ETAA1: variants seen among roughly 807,000 people sequenced by gnomAD.
The protein encoded by ETAA1 is ewing's tumor-associated antigen 1.
Under a neutral mutation model 76.8 loss-of-function variants are expected in ETAA1, and 49 were observed. The observed-to-expected ratio is 0.64, with a 90% confidence interval of 0.51 to 0.81. ETAA1 has a LOEUF of 0.81. ETAA1 is among the 30% of genes least tolerant of loss of function. ETAA1 has a pLI of 0.00. For missense variants in ETAA1, 1,099 were observed against 1,074.0 expected (o/e 1.02, Z -0.32); for synonymous variants, 373 against 372.2 (o/e 1.00, Z -0.03).
rs1675908839 is a variant in ETAA1, at chr2:67,397,556, G to T, written c.108G>T (p.Arg36=). Residue 36 remains arginine, a synonymous_variant, in exon 1 of 6, where the codon CGG becomes CGT. Coordinates refer to ENST00000272342, the MANE Select transcript of ETAA1 (RefSeq NM_019002.4). The stretch of plus-strand genomic sequence containing the variant: ...CGGTGGTCGAGCCAGGGAGGAGGCG[G>T]CTGAGATCGGCCCGCGGTTCGTGGC... The part of the protein sequence containing the change: ...CGSVVEPGRR[R]LRSARGSWPC... 3 of 1,572,434 alleles carry T rather than the reference G, an allele frequency of 1.9e-6. No individual in the cohort carries two copies. The highest frequency in any genetic ancestry group is 1.7e-6 in the Non-Finnish European group (2 of 1,159,168).
chr2:67,401,633 C>A (rs1676059409), intron 3 of ETAA1: 1 of 151,198 alleles, frequency 6.6e-6, no homozygotes, highest in Non-Finnish European at 1.5e-5. Flanking sequence ...TACATAGGAC[C>A]CATGTATATG....
chr2:67,404,969 G>A lies in ETAA1; in HGVS notation c.2287G>A (p.Val763Met), dbSNP rs1676169022. ...SYTNTDVPIQ[V>M]NSSKLVLPGS... ...TACTAACACTGATGTTCCAATACAA[G>A]TGAATAGTTCCAAATTGGTTCTTCC... Residue 763 changes from valine to methionine, a missense_variant, in exon 5 of 6, where the codon GTG becomes ATG. Val to Met is a conservative substitution (Grantham distance 21). Coordinates refer to ENST00000272342, the MANE Select transcript of ETAA1 (RefSeq NM_019002.4). 1 of 1,612,852 alleles carries A rather than the reference G, an allele frequency of 6.2e-7. No individual in the cohort carries two copies.
In ETAA1 at chr2:67,397,349, G is replaced by A. The variant is rs1039820051; in HGVS notation, c.-100G>A. On this transcript the variant is annotated 5_prime_UTR_variant, in exon 1 of 6. Coordinates refer to ENST00000272342, the MANE Select transcript of ETAA1 (RefSeq NM_019002.4). The stretch of plus-strand genomic sequence containing the variant: ...GCGCGCCCCACCGACCAAAATGGCG[G>A]CTGCCGTTGGTGCGGGGTGCGGTTT... 7.8e-6 allele frequency: 10 copies of A among 1,281,088 alleles called. No individual in the cohort carries two copies. The highest frequency in any genetic ancestry group is 2.1e-4 in the Middle Eastern group (1 of 4,652). The allele number at this position is 1,281,088 out of a possible 1,614,324, so 79.4% of individuals were successfully genotyped here.
At chr2:67,407,649 C>T (rs749434168) in intron 5 of ETAA1, among the ~76,000 whole-genome samples, 29 of 151,924 alleles carry the variant, frequency 1.9e-4, no homozygotes, top group African/African-American at 4.1e-4. Flanking sequence ...GAAACCTTTC[C>T]GATAACATAA....
rs750771945 is a variant in ETAA1, at chr2:67,410,033, CT to C, written c.2779del (p.Ter927AsnfsTer13). 1.2e-6 allele frequency: 2 copies of C among 1,600,646 alleles called. No homozygotes were observed. Among genetic ancestry groups the C allele is most frequent in the Non-Finnish European group, 1.7e-6 (2 of 1,175,884 alleles). ...SSVNAAPTSF[L>X] ...TGTAAATGCAGCTCCCACTTCATTT[CT>C]TTAATGAAATATTAGTTGGAAGACT... On this transcript the variant is annotated frameshift_variant, in exon 6 of 6. Coordinates refer to ENST00000272342, the MANE Select transcript of ETAA1 (RefSeq NM_019002.4). LOFTEE classifies it high-confidence loss of function.
rs1249658650 is a variant in ETAA1, at chr2:67,397,668, G to C, written c.220G>C (p.Glu74Gln). The C allele has an allele frequency of 1.3e-5, 20 of 1,545,620 alleles. No individual in the cohort carries two copies. The East Asian group carries it at 4.7e-4, about 36-fold the overall frequency. Residue 74 changes from glutamate to glutamine, a missense_variant, in exon 1 of 6, where the codon GAG becomes CAG. Transcript: ENST00000272342. ...CGCCCTGTGCAGTAAAAGTAACCCC[G>C]AGGGTGAGACGTCGGCAGCGCGGCC... ...TAALCSKSNPEERYETPKRAL... is the reference protein window; with the variant it reads ...TAALCSKSNPQERYETPKRAL...
intron 5 of ETAA1, among the ~76,000 whole-genome samples, chr2:67,409,405 C>T (rs1263796361): frequency 2.0e-5 from 3 of 151,886 alleles, no homozygotes; most frequent in Non-Finnish European, 4.4e-5. Flanking sequence ...TATATTTCCT[C>T]AGTGGATGAA....
intron 5 of ETAA1, among the ~76,000 whole-genome samples, chr2:67,406,712 G>A (rs1676229008): frequency 6.6e-6 from 1 of 151,924 alleles, no homozygotes. Context: ...AAAGATATGT[G>A]TGTGTGTATG....
chr2:67,399,107 C>A, intron 1 of ETAA1, 62 bp from the exon 2 acceptor site: 1 of 1,475,626 alleles, frequency 6.8e-7, no homozygotes, highest in South Asian at 1.3e-5. Context: ...ACCTTGGGGT[C>A]TTACGAAGTA....
Position 67,404,064 on chromosome 2 carries a change from A to G in ETAA1, c.1382A>G (p.Tyr461Cys). The G allele has an allele frequency of 1.2e-6, 2 of 1,601,406 alleles. No homozygotes were observed. Among genetic ancestry groups the G allele is most frequent in the Middle Eastern group, 1.7e-4 (1 of 5,964 alleles). ...GACAGAGAATTAATAGATGCAGAAT[A>G]TAGATTTTCACCAAATTCAAATAAA... Reference protein sequence around the residue: ...TYDRELIDAEYRFSPNSNKSN... With the variant: ...TYDRELIDAECRFSPNSNKSN... Residue 461 changes from tyrosine to cysteine, a missense_variant, in exon 5 of 6, where the codon TAT becomes TGT. Tyr to Cys is a radical substitution (Grantham distance 194). This residue lies in a region of ETAA1 where 761 missense variants were observed against 731.9 expected (regional missense o/e 1.04). Transcript: ENST00000272342.
rs1246583843 is a variant in ETAA1, at chr2:67,403,611, A to G, written c.929A>G (p.Asn310Ser). 3 of 1,613,360 alleles carry G rather than the reference A, an allele frequency of 1.9e-6. No homozygotes were observed. The highest frequency in any genetic ancestry group is 1.1e-5 in the South Asian group (1 of 91,056). Reference sequence around the variant, plus strand: ...CCAGAGGCTTTTTGGAGCACCAGTAATACTACCTTTGTAAAGACAAATGCT... The same window carrying G: ...CCAGAGGCTTTTTGGAGCACCAGTAGTACTACCTTTGTAAAGACAAATGCT... ...ELPEAFWSTSNTTFVKTNALK... is the reference protein window; with the variant it reads ...ELPEAFWSTSSTTFVKTNALK... Residue 310 changes from asparagine to serine, a missense_variant, in exon 5 of 6, where the codon AAT becomes AGT. Transcript: ENST00000272342.
chr2:67,410,543 A>T lies in ETAA1; in HGVS notation c.*505A>T, dbSNP rs1167834535. 2.0e-5 allele frequency: 3 copies of T among 152,084 alleles called. No homozygotes were observed. Among genetic ancestry groups the T allele is most frequent in the African/African-American group, 4.8e-5 (2 of 41,442 alleles). 9.4% of individuals were successfully genotyped at this position (152,084 alleles called of 1,614,324 possible). ...AATAAAGGACTTTTTATTTGTAAGGAAATTATGTTCAGTTCTTAGAAGTGG... is the reference window on the plus strand; with the variant it reads ...AATAAAGGACTTTTTATTTGTAAGGTAATTATGTTCAGTTCTTAGAAGTGG... On this transcript the variant is annotated 3_prime_UTR_variant, in exon 6 of 6. Coordinates refer to ENST00000272342, the MANE Select transcript of ETAA1 (RefSeq NM_019002.4).
chr2:67,411,183 G>T lies in ETAA1; in HGVS notation c.*1145G>T, dbSNP rs951475493. On this transcript the variant is annotated 3_prime_UTR_variant, in exon 6 of 6. Transcript: ENST00000272342. ...AGTAATAGAAGTCCAACTAGAGGGC[G>T]TAAGGCAGGGAGGATGCTTTATTCC... 1 of 151,912 alleles carries T rather than the reference G, an allele frequency of 6.6e-6. No individual in the cohort carries two copies. The allele number at this position is 151,912 out of a possible 1,614,324, so 9.4% of individuals were successfully genotyped here.
rs1175536620 is a variant in ETAA1, at chr2:67,411,696, C to T, written c.*1658C>T. ...CAACCATTTTAAGTTGGAGACTGTA[C>T]ATCAAAAATGGTATTTTCATATCTA... is the stretch of plus-strand genomic sequence containing the variant. On this transcript the variant is annotated 3_prime_UTR_variant, in exon 6 of 6. Coordinates refer to ENST00000272342, the MANE Select transcript of ETAA1 (RefSeq NM_019002.4). 1 of 152,068 alleles carries T rather than the reference C, an allele frequency of 6.6e-6. No homozygotes were observed. Among genetic ancestry groups the T allele is most frequent in the African/African-American group, 2.4e-5 (1 of 41,412 alleles). 9.4% of individuals were successfully genotyped at this position (152,068 alleles called of 1,614,324 possible). A position where few individuals can be genotyped will look rare whatever the true frequency, so the allele number is the denominator to read the frequency against.
Position 67,409,979 on chromosome 2 carries a change from C to T in ETAA1, c.2722C>T (p.Arg908Trp), listed in dbSNP as rs1676327423. ...IQRKRQEALV[R>W]RMAKARASSV... ...GAGAAAAAGACAAGAAGCACTGGTT[C>T]GGAGAATGGCTAAAGCACGAGCCTC... The change falls in exon 6 of 6, where the codon CGG (arginine) becomes TGG (tryptophan). Residue 908 changes from arginine to tryptophan, a missense_variant. By Grantham distance (101) the Arg-to-Trp change is moderately radical (BLOSUM62 -3). This residue lies in a region of ETAA1 where 302 missense variants were observed against 278.1 expected (regional missense o/e 1.09). Transcript: ENST00000272342. The T allele has an allele frequency of 3.1e-6, 5 of 1,609,348 alleles. No homozygotes were observed. Among genetic ancestry groups the T allele is most frequent in the African/African-American group, 1.3e-5 (1 of 74,738 alleles).
chr2:67,410,014 T>C lies in ETAA1; in HGVS notation c.2757T>C (p.Asn919=). 1 of 1,607,212 alleles carries C rather than the reference T, an allele frequency of 6.2e-7. No homozygotes were observed. Among genetic ancestry groups the C allele is most frequent in the African/African-American group, 1.3e-5 (1 of 74,626 alleles). ...CTAAAGCACGAGCCTCATCTGTAAATGCAGCTCCCACTTCATTTCTTTAAT... is the reference window on the plus strand; with the variant it reads ...CTAAAGCACGAGCCTCATCTGTAAACGCAGCTCCCACTTCATTTCTTTAAT... The part of the protein sequence containing the change: ...RMAKARASSV[N]AAPTSFL The change falls in exon 6 of 6, where the codon AAT becomes AAC. Residue 919 remains asparagine (N), a synonymous_variant. Transcript: ENST00000272342.
chr2:67,398,727 C>G (rs1675970249), intron 1 of ETAA1, among the ~76,000 whole-genome samples: 1 of 152,166 alleles, frequency 6.6e-6, no homozygotes, highest in Non-Finnish European at 1.5e-5. Flanking sequence ...AATTCCCAAG[C>G]ATTGGATCAC....
chr2:67,404,930 C>A lies in ETAA1; in HGVS notation c.2248C>A (p.Leu750Met). 2 of 1,613,066 alleles carry A rather than the reference C, an allele frequency of 1.2e-6. No homozygotes were observed. The highest frequency in any genetic ancestry group is 1.7e-6 in the Non-Finnish European group (2 of 1,179,404). ...GATCTCAAACTGTCAGATAAATAATCTGCATGTGTCTTATACTAACACTGA... is the reference window on the plus strand; with the variant it reads ...GATCTCAAACTGTCAGATAAATAATATGCATGTGTCTTATACTAACACTGA... ...SKISNCQINN[L>M]HVSYTNTDVP... is the part of the protein sequence containing the mutation. Residue 750 changes from leucine (L) to methionine (M), a missense_variant, in exon 5 of 6, where the codon CTG becomes ATG. By Grantham distance (15) the Leu-to-Met change is conservative. This residue lies in a region of ETAA1 where 302 missense variants were observed against 278.1 expected (regional missense o/e 1.09). Transcript: ENST00000272342.
rs970068283 is a variant in ETAA1 at position 67,410,889 on chromosome 2, TGAGG to T, written c.*855_*858del. ...CAAAGTATCAGTACATAAAATAACT[TGAGG>T]GAGTATTATTTTCTAGTATAAAACA... On this transcript the variant is annotated 3_prime_UTR_variant, in exon 6 of 6. Transcript: ENST00000272342. The T allele has an allele frequency of 1.3e-5, 2 of 152,062 alleles. No homozygotes were observed. The highest frequency in any genetic ancestry group is 4.8e-5 in the African/African-American group (2 of 41,438). The allele number at this position is 152,062 out of a possible 1,614,324, so 9.4% of individuals were successfully genotyped here. A position where few individuals can be genotyped will look rare whatever the true frequency, so the allele number is the denominator to read the frequency against.
Sources: gnomAD v4.1 joint callset for allele counts (sites outside exome capture counted in the v4.1 genomes callset) on GRCh38, gnomAD v4.1.1 for gene constraint, gnomAD v4.1.1 regional missense constraint, MANE v1.5 for transcripts, NCBI Gene and HGNC (gene_info 2026-07-23, HGNC 2026-07-21) for gene names.